Variants in ARHGAP39 observed in about 807,000 individuals in gnomAD.
ARHGAP39 encodes Rho GTPase activating protein 39.
In ARHGAP39, 44 loss-of-function variants were observed where a neutral mutation model predicts 106.9. The ratio of observed to expected loss-of-function variants is 0.41; its 90% CI spans 0.32 to 0.53. The LOEUF (loss-of-function observed/expected upper bound fraction) is 0.53. Among genes scored for constraint, ARHGAP39 ranks in the 20% least tolerant of loss-of-function variants. The probability of loss-of-function intolerance (pLI) is 0.21; values close to 1 mark genes in which losing one functional copy is unlikely to be tolerated. For synonymous variants in ARHGAP39, 768 were observed against 693.2 expected (o/e 1.11, Z -1.69); for missense variants, 1,496 against 1,577.3 (o/e 0.95, Z 0.87).
chr8:144,576,954 C>A (rs1015697011), intron 3 of ARHGAP39, among the ~76,000 whole-genome samples: 1 of 152,228 alleles, frequency 6.6e-6, no homozygotes, highest in African/African-American at 2.4e-5. Context: ...AGCAAACCAA[C>A]AGGTTTGTTT....
chr8:144,698,325 C>T, the ARHGAP39 span, among the ~76,000 whole-genome samples: 1 of 152,158 alleles, frequency 6.6e-6, no homozygotes, highest in Non-Finnish European at 1.5e-5. Flanking sequence ...ATACTGGTGC[C>T]ATGCTTCCTG....
At chr8:144,686,428 G>C (rs945721259), upstream of ARHGAP39, among the ~76,000 whole-genome samples, 1 of 152,218 alleles carries the variant, frequency 6.6e-6, no homozygotes, top group African/African-American at 2.4e-5. Context: ...AGTGCCAGGT[G>C]CGTTTCTGGA....
chr8:144,690,818 T>G (rs1178624667), upstream of ARHGAP39, among the ~76,000 whole-genome samples: 3 of 150,970 alleles, frequency 2.0e-5, no homozygotes, highest in Non-Finnish European at 4.4e-5. Context: ...CTGATTTTTT[T>G]TTTTTTTTTT....
At chr8:144,651,441 G>A (rs1022603234) in intron 1 of ARHGAP39, among the ~76,000 whole-genome samples, 1 of 152,096 alleles carries the variant, frequency 6.6e-6, no homozygotes, top group East Asian at 1.9e-4. Flanking sequence ...AGTGGCTCAC[G>A]CCTGTAATCC....
chr8:144,627,764 A>T (rs949010374), intron 1 of ARHGAP39, among the ~76,000 whole-genome samples: 1 of 152,050 alleles, frequency 6.6e-6, no homozygotes, highest in Admixed American at 6.5e-5. Flanking sequence ...TCTCAAAAAA[A>T]CAAAACAAAA....
rs548318247 is a variant in ARHGAP39 at position 144,642,356 on chromosome 8, G to A, written c.-81-36661C>T. ...CAAAATATTAGCCAGGCATGGTGGC[G>A]GGCGCCTGTAGTCCCAGCTACTCAG... On this transcript the variant is annotated intron_variant, in intron 1 of 11. Coordinates refer to ENST00000377307, the MANE Select transcript of ARHGAP39 (RefSeq NM_025251.3). Among the ~76,000 whole-genome samples, 331 of 152,102 alleles carry A rather than the reference G, an allele frequency of 2.2e-3. 4 individuals are homozygous for A. Among genetic ancestry groups the A allele is most frequent in the African/African-American group, 3.2e-3 (134 of 41,504 alleles).
chr8:144,540,367 C>G (rs1817139332), intron 6 of ARHGAP39, among the ~76,000 whole-genome samples: 1 of 152,130 alleles, frequency 6.6e-6, no homozygotes, highest in African/African-American at 2.4e-5. Context: ...CTGTGCACCA[C>G]CCTGGGCCAC....
intron 6 of ARHGAP39, among the ~76,000 whole-genome samples, chr8:144,543,621 C>T (rs570735056): frequency 4.6e-5 from 7 of 152,218 alleles, no homozygotes; most frequent in Non-Finnish European, 8.8e-5. Flanking sequence ...TCTGAAGCCA[C>T]GGCCGCCCAG....
intron 2 of ARHGAP39, among the ~76,000 whole-genome samples, chr8:144,582,272 G>A (rs1819022966): frequency 6.6e-6 from 1 of 152,186 alleles, no homozygotes; most frequent in Admixed American, 6.5e-5. Context: ...CTGGCTGCGG[G>A]GGCGACCTTC....
Position 144,530,160 on chromosome 8 carries a change from GGCCAGC to G in ARHGAP39, c.*256_*261del. On this transcript the variant is annotated 3_prime_UTR_variant, in exon 12 of 12. Transcript: ENST00000377307. The stretch of plus-strand genomic sequence containing the variant: ...AGGCACTTTCTCGGAGCTGACCCGC[GGCCAGC>G]GGAGGGCGAGGCGGTGCCCGCGGGA... The G allele has an allele frequency of 1.9e-6, 1 of 514,822 alleles. No homozygotes were observed. Among genetic ancestry groups the G allele is most frequent in the Admixed American group, 3.5e-5 (1 of 28,558 alleles). The allele number at this position is 514,822 out of a possible 1,614,324, so 31.9% of individuals were successfully genotyped here. A position where few individuals can be genotyped will look rare whatever the true frequency, so the allele number is the denominator to read the frequency against.
At chr8:144,693,752 C>G in the ARHGAP39 span, among the ~76,000 whole-genome samples, 98 of 152,324 alleles carry the variant, frequency 6.4e-4, 2 homozygotes, top group Admixed American at 3.5e-3. Flanking sequence ...TAAACAAATA[C>G]TGATCACACA....
intron 1 of ARHGAP39, among the ~76,000 whole-genome samples, chr8:144,621,867 TA>T (rs1820815762): frequency 6.6e-6 from 1 of 152,186 alleles, no homozygotes; most frequent in Admixed American, 6.5e-5. Flanking sequence ...TCCTAAGGGA[TA>T]AAACTACAGT....
Position 144,548,266 on chromosome 8 carries a change from G to A in ARHGAP39, c.820C>T (p.Pro274Ser), listed in dbSNP as rs376028912. 11 of 1,608,656 alleles carry A rather than the reference G, an allele frequency of 6.8e-6. No homozygotes were observed. The East Asian group carries it at 1.3e-4, about 20-fold the overall frequency. The change falls in exon 5 of 12, where the codon CCC becomes TCC. Residue 274 changes from proline (P) to serine (S), a missense_variant. Physicochemically the swap from Pro to Ser is moderately conservative, Grantham distance 74. Around this residue, in one of 4 missense-constraint regions of ARHGAP39, gnomAD observed 905 missense variants for 816.4 expected, o/e 1.11. Transcript: ENST00000377307. The surrounding 1 kb of genome is among the most constrained non-coding windows in gnomAD (Gnocchi z 7.4). Reference sequence around the variant, plus strand: ...GGGAGCTCGGCCCTCTTCAGGAAGGGTGACGGCCTCCTCTCTGGGAAGAAG... The same window carrying A: ...GGGAGCTCGGCCCTCTTCAGGAAGGATGACGGCCTCCTCTCTGGGAAGAAG... ...TIFFPERRPS[P>S]FLKRAELPGS...
chr8:144,580,677 C>T (rs548860533), intron 3 of ARHGAP39, among the ~76,000 whole-genome samples, 169 bp downstream of exon 3: 10 of 150,710 alleles, frequency 6.6e-5, no homozygotes, highest in Admixed American at 1.3e-4. Flanking sequence ...GCCCATTCCA[C>T]TCACCTGGCC....
intron 1 of ARHGAP39, among the ~76,000 whole-genome samples, chr8:144,613,373 A>G (rs72697666): frequency 0.3 from 45,648 of 152,084 alleles, 8,382 homozygotes; most frequent in Middle Eastern, 0.43. Context: ...AGCATCTGTA[A>G]CATTTCTTTC....
chr8:144,542,342 C>T (rs930914368), intron 6 of ARHGAP39, among the ~76,000 whole-genome samples: 7 of 152,302 alleles, frequency 4.6e-5, no homozygotes, highest in East Asian at 1.9e-4. Flanking sequence ...CCTCAGTCCC[C>T]GAGGGTGGTG....
intron 2 of ARHGAP39, among the ~76,000 whole-genome samples, chr8:144,600,483 C>A: frequency 8.0e-6 from 1 of 124,690 alleles, no homozygotes; most frequent in Non-Finnish European, 1.6e-5. Flanking sequence ...TGCATCGAGG[C>A]GTGTGTGCAC....
At chr8:144,687,965 TCCCAA>T (rs1263459366), upstream of ARHGAP39, among the ~76,000 whole-genome samples, 2 of 139,316 alleles carry the variant, frequency 1.4e-5, no homozygotes, top group African/African-American at 5.0e-5. Context: ...AGTGAGCACT[TCCCAA>T]CCCCGTGACC....
chr8:144,675,706 G>T (rs950978206), intron 1 of ARHGAP39, among the ~76,000 whole-genome samples: 1 of 151,602 alleles, frequency 6.6e-6, no homozygotes, highest in Non-Finnish European at 1.5e-5. Context: ...GACCTTCGTG[G>T]TTAGTGTTAC....
Sources: allele counts gnomAD v4.1 joint callset (sites outside exome capture counted in the v4.1 genomes callset), GRCh38; gene constraint gnomAD v4.1.1; regional missense constraint gnomAD v4.1.1; non-coding constraint Gnocchi (gnomAD v3.1); transcripts MANE v1.5; gene names NCBI Gene and HGNC (gene_info 2026-07-23, HGNC 2026-07-21).